The following GLYR1 variants were observed in gnomAD, a reference collection of about 807,000 sequenced individuals.
GLYR1 encodes glyoxylate reductase 1 homolog, also known as cytokine-like nuclear factor N-PAC.
In GLYR1, 21 loss-of-function variants were observed where a neutral mutation model predicts 72.7. The ratio of observed to expected loss-of-function variants is 0.29; its 90% CI spans 0.20 to 0.42. GLYR1 has a LOEUF of 0.42. Among genes scored for constraint, GLYR1 ranks in the 10% least tolerant of loss-of-function variants. The probability of loss-of-function intolerance (pLI) is 1.00; values close to 1 mark genes in which losing one functional copy is unlikely to be tolerated. For missense variants in GLYR1, 594 were observed against 712.1 expected, an observed-to-expected ratio of 0.83 and a Z score of 1.89; for synonymous variants, 392 against 270.2, an observed-to-expected ratio of 1.45 and a Z score of -4.42.
chr16:4,834,074 T>C (rs1043466974), intron 3 of GLYR1, among the ~76,000 whole-genome samples: 1 of 152,172 alleles, frequency 6.6e-6, no homozygotes, highest in Non-Finnish European at 1.5e-5. Flanking sequence ...CACATAAAAA[T>C]AATGTTACTA....
intron 5 of GLYR1, among the ~76,000 whole-genome samples, chr16:4,826,666 T>C (rs2084397688): frequency 6.6e-6 from 1 of 152,228 alleles, no homozygotes; most frequent in Non-Finnish European, 1.5e-5. Flanking sequence ...CCCAAAAGAA[T>C]ATTCTGCAAT....
At position 4,814,639 on chromosome 16, in the gene GLYR1, C is replaced by G; in HGVS notation, c.915G>C (p.Leu305Phe). Residue 305 changes from leucine (L) to phenylalanine (F), a missense_variant, in exon 11 of 16, where the codon TTG (leucine) becomes TTC (phenylalanine). Transcript: ENST00000321919. ...CCAGACGGGCCCCCTCCTGGATGAA[C>G]AAATCACACTGCAAAAGTCACAGAT... is the stretch of plus-strand genomic sequence containing the variant. ...VWNRTAEKCD[L>F]FIQEGARLGR... 1 of 1,612,980 alleles carries G rather than the reference C, an allele frequency of 6.2e-7. No individual in the cohort carries two copies. Among genetic ancestry groups the G allele is most frequent in the Non-Finnish European group, 8.5e-7 (1 of 1,178,972 alleles).
intron 7 of GLYR1, 127 bp from the exon 8 acceptor site, chr16:4,821,724 A>G: frequency 1.2e-6 from 1 of 827,118 alleles, no homozygotes; most frequent in South Asian, 1.4e-5. Flanking sequence ...TACTTTAGTG[A>G]ACTCCAAATT....
At chr16:4,836,963 G>C (rs1361613811) in intron 3 of GLYR1, among the ~76,000 whole-genome samples, 2 of 152,114 alleles carry the variant, frequency 1.3e-5, no homozygotes, top group South Asian at 4.1e-4. Flanking sequence ...TGGCATAACT[G>C]CACCTGTAAC....
intron 15 of GLYR1, among the ~76,000 whole-genome samples, chr16:4,810,381 CAGGCTACTTGGG>C (rs1406991176): frequency 4.6e-5 from 7 of 151,852 alleles, no homozygotes; most frequent in Non-Finnish European, 5.9e-5. Flanking sequence ...CCTGTAATCC[CAGGCTACTTGGG>C]AGGCTACTTG....
At position 4,819,199 on chromosome 16, in the gene GLYR1, G is replaced by A. The variant is rs369340805; in HGVS notation, c.807-1502C>T. ...TATTTATTTATTTAAAAAGAGAGAT[G>A]GGGGGGTCTTGCTATGTTGGCTAGG... On this transcript the variant is annotated intron_variant, in intron 9 of 15. Coordinates refer to ENST00000321919, the MANE Select transcript of GLYR1 (RefSeq NM_032569.4). Among the ~76,000 whole-genome samples the A allele has an allele frequency of 4.4e-4, 62 of 139,732 alleles. 1 individual carries two copies. The South Asian group carries it at 0.012, about 26-fold the overall frequency. The allele number at this position is 139,732 out of a possible 152,430, so 91.7% of individuals were successfully genotyped here. A position where few individuals can be genotyped will look rare whatever the true frequency, so the allele number is the denominator to read the frequency against.
intron 3 of GLYR1, among the ~76,000 whole-genome samples, chr16:4,839,005 G>A (rs761561641): frequency 3.9e-5 from 6 of 152,152 alleles, no homozygotes; most frequent in Non-Finnish European, 7.3e-5. Flanking sequence ...TTCTGCTTCA[G>A]TCTCCCAAGT....
At chr16:4,819,915 A>G (rs1567702243) in intron 9 of GLYR1, among the ~76,000 whole-genome samples, 1 of 152,162 alleles carries the variant, frequency 6.6e-6, no homozygotes, top group East Asian at 1.9e-4. Flanking sequence ...GGGTAGTACA[A>G]TATTCCCCCA....
Position 4,822,941 on chromosome 16 carries a change from GA to G in GLYR1, c.625-11del, listed in dbSNP as rs1567717413. The G allele has an allele frequency of 1.9e-6, 3 of 1,613,282 alleles. No homozygotes were observed. On this transcript the variant is annotated splice_polypyrimidine_tract_variant and intron_variant, in intron 6 of 15. Transcript: ENST00000321919. ...CTGCATCTTTAACAGGCTGAAACCA[GA>G]AAACAGTGAAATAAAACCAGTTATC...
intron 12 of GLYR1, among the ~76,000 whole-genome samples, chr16:4,812,497 T>A (rs929840853): frequency 2.1e-5 from 3 of 140,978 alleles, no homozygotes; most frequent in Non-Finnish European, 4.6e-5. Flanking sequence ...TGACTTGGAA[T>A]TTTTTTTTTT....
chr16:4,843,785 G>A (rs1158149281), intron 3 of GLYR1: 3 of 388,670 alleles, frequency 7.7e-6, no homozygotes, highest in East Asian at 1.3e-4. Context: ...ATAATAAATA[G>A]AAATACAACT....
intron 3 of GLYR1, among the ~76,000 whole-genome samples, chr16:4,834,010 G>T (rs911734854): frequency 6.6e-6 from 1 of 152,226 alleles, no homozygotes; most frequent in Admixed American, 6.5e-5. Flanking sequence ...GCTTCAGGTT[G>T]TTTTCTTCAT....
chr16:4,832,333 AAT>A, intron 4 of GLYR1, 112 bp from the exon 5 acceptor site: 2 of 1,296,386 alleles, frequency 1.5e-6, no homozygotes, highest in Non-Finnish European at 2.1e-6. Flanking sequence ...GTCTCCTCAC[AAT>A]GACCCTAGAA....
At chr16:4,806,880 C>T (rs183919614) in intron 15 of GLYR1, among the ~76,000 whole-genome samples, 1 of 150,538 alleles carries the variant, frequency 6.6e-6, no homozygotes, top group African/African-American at 2.5e-5. Context: ...CGGCTCACTG[C>T]CAGCTCTGCT....
intron 15 of GLYR1, among the ~76,000 whole-genome samples, chr16:4,807,963 C>G (rs138809267): frequency 6.6e-6 from 1 of 152,190 alleles, no homozygotes; most frequent in African/African-American, 2.4e-5. Context: ...AGGCTGCATG[C>G]GGTGGCTCAT....
At position 4,811,583 on chromosome 16, in the gene GLYR1, C is replaced by T. The variant is rs766291160; in HGVS notation, c.1462+40G>A. On this transcript the variant is annotated intron_variant, in intron 14 of 15. Coordinates refer to ENST00000321919, the MANE Select transcript of GLYR1 (RefSeq NM_032569.4). ...CCCTGACCTAGTACCCTGCTCTAAT[C>T]AAACACCAAATGCAAGAAGAGGGGC... 4 of 1,610,152 alleles carry T rather than the reference C, an allele frequency of 2.5e-6. No individual in the cohort carries two copies. The African/African-American group carries it at 5.3e-5, about 22-fold the overall frequency.
At chr16:4,812,768 GGAGTGA>G (rs1199340722) in intron 12 of GLYR1, among the ~76,000 whole-genome samples, 2 of 151,762 alleles carry the variant, frequency 1.3e-5, no homozygotes, top group Non-Finnish European at 2.9e-5. Context: ...TTGGATTACA[GGAGTGA>G]GCCACCACGC....
At chr16:4,819,603 G>C (rs1033364038) in intron 9 of GLYR1, among the ~76,000 whole-genome samples, 1 of 152,128 alleles carries the variant, frequency 6.6e-6, no homozygotes, top group African/African-American at 2.4e-5. Context: ...GAGCTACTGC[G>C]CTTGGCCATG....
At chr16:4,824,403 G>A (rs192017892) in intron 5 of GLYR1, among the ~76,000 whole-genome samples, 7 of 151,532 alleles carry the variant, frequency 4.6e-5, no homozygotes, top group African/African-American at 1.5e-4. Context: ...CAGAGGTTGA[G>A]GCAGAAGAAT....
Sources: allele counts gnomAD v4.1 joint callset (sites outside exome capture counted in the v4.1 genomes callset), GRCh38; gene constraint gnomAD v4.1.1; transcripts MANE v1.5; gene names NCBI Gene and HGNC (gene_info 2026-07-23, HGNC 2026-07-21).